ASH1L: variants seen among roughly 807,000 people sequenced by gnomAD.
ASH1L encodes the protein histone-lysine N-methyltransferase ASH1L.
ASH1L carries 23 observed loss-of-function variants against 269.0 expected under a neutral mutation model. The observed-to-expected ratio is 0.09, with a 90% CI of 0.06 to 0.12. The LOEUF (loss-of-function observed/expected upper bound fraction) is 0.12. Ranked by LOEUF, ASH1L falls within the 10% of genes least tolerant of loss-of-function variation. ASH1L has a pLI of 1.00. For synonymous variants in ASH1L, 1,187 were observed against 1,253.5 expected, an observed-to-expected ratio of 0.95 and a Z score of 1.12; for missense variants, 2,912 against 3,567.8, an observed-to-expected ratio of 0.82 and a Z score of 4.68.
rs895617572 is a variant in ASH1L at position 155,562,632 on chromosome 1, C to T, written c.-579G>A. On this transcript the variant is annotated 5_prime_UTR_variant, in exon 1 of 28. Transcript: ENST00000392403. ...CGCGTACGAGTGTCTACGGGCTCGT[C>T]GCTGGCTGCTCCCACCAACCACCAC... 4.6e-6 allele frequency: 7 copies of T among 1,526,166 alleles called. No individual in the cohort carries two copies. Among genetic ancestry groups the T allele is most frequent in the African/African-American group, 2.8e-5 (2 of 72,724 alleles). The allele number at this position is 1,526,166 out of a possible 1,614,324, so 94.5% of individuals were successfully genotyped here.
intron 13 of ASH1L, among the ~76,000 whole-genome samples, chr1:155,359,727 G>A (rs772688455): frequency 1.8e-4 from 27 of 151,882 alleles, no homozygotes; most frequent in Admixed American, 3.9e-4. Flanking sequence ...AGGCACATGC[G>A]ACCACACTTG....
Position 155,523,345 on chromosome 1 carries a change from T to G in ASH1L, c.-99-1727A>C, listed in dbSNP as rs965970190. Among the ~76,000 whole-genome samples the G allele has an allele frequency of 3.3e-5, 5 of 151,870 alleles. No individual in the cohort carries two copies. In the South Asian group the frequency reaches 1.0e-3, roughly 32 times the overall value. On this transcript the variant is annotated intron_variant, in intron 1 of 27. Coordinates refer to ENST00000392403, the MANE Select transcript of ASH1L (RefSeq NM_018489.3). ...TCCTGTCTCTAAAAAAGTACAAAAA[T>G]TAGCAGGGTGTGATGGCACACACCT...
At chr1:155,411,863 A>G (rs1659838841) in intron 6 of ASH1L, among the ~76,000 whole-genome samples, 1 of 151,540 alleles carries the variant, frequency 6.6e-6, no homozygotes. Context: ...AAGTCTAGAC[A>G]GGACATGCTG....
Position 155,519,461 on chromosome 1 carries a change from A to T in ASH1L, c.420+1639T>A, listed in dbSNP as rs999147962. Among the ~76,000 whole-genome samples the T allele has an allele frequency of 3.3e-5, 5 of 152,110 alleles. No individual in the cohort carries two copies. In the East Asian group the frequency reaches 5.8e-4, roughly 18 times the overall value. On this transcript the variant is annotated intron_variant, in intron 2 of 27. Transcript: ENST00000392403. ...CAAAAAATAAATAAATAAATAAATA[A>T]AAATAAAGTGGTATATCCACACAAT...
At chr1:155,469,109 C>T (rs948966131) in intron 3 of ASH1L, among the ~76,000 whole-genome samples, 3 of 152,130 alleles carry the variant, frequency 2.0e-5, no homozygotes, top group South Asian at 2.1e-4. Context: ...ACAAACTAAC[C>T]GCCAAAGCCA....
chr1:155,372,650 A>G (rs1238813590), intron 10 of ASH1L, among the ~76,000 whole-genome samples: 1 of 149,254 alleles, frequency 6.7e-6, no homozygotes, highest in Admixed American at 6.7e-5. Context: ...TCCCTCTGTC[A>G]CCCAGACTGG....
In ASH1L at chr1:155,335,716, CAG is replaced by C. The variant is rs1285243959; in HGVS notation, c.*1942_*1943del. The stretch of plus-strand genomic sequence containing the variant: ...TTTCAACAAAAGAAAGATAAAATGA[CAG>C]AGCGTAGTGTCTTTTGCTTCTGTTC... On this transcript the variant is annotated 3_prime_UTR_variant, in exon 28 of 28. Transcript: ENST00000392403. The C allele has an allele frequency of 1.3e-5, 2 of 152,624 alleles. No homozygotes were observed. The highest frequency in any genetic ancestry group is 2.9e-5 in the Non-Finnish European group (2 of 68,018). 9.5% of individuals were successfully genotyped at this position (152,624 alleles called of 1,614,324 possible). A position where few individuals can be genotyped will look rare whatever the true frequency, so the allele number is the denominator to read the frequency against.
intron 3 of ASH1L, among the ~76,000 whole-genome samples, chr1:155,472,089 G>A (rs1665145454): frequency 6.6e-6 from 1 of 152,106 alleles, no homozygotes; most frequent in East Asian, 1.9e-4. Context: ...TCAGGAGTTT[G>A]AAACTAGCCT....
At chr1:155,424,510 C>T (rs1483152593) in intron 5 of ASH1L, among the ~76,000 whole-genome samples, 2 of 151,406 alleles carry the variant, frequency 1.3e-5, no homozygotes, top group East Asian at 2.0e-4. Context: ...TGGATTCAAG[C>T]GATTCTCCTG....
intron 12 of ASH1L, among the ~76,000 whole-genome samples, chr1:155,363,609 T>C (rs996209052): frequency 2.6e-5 from 4 of 152,116 alleles, no homozygotes; most frequent in Admixed American, 2.6e-4. Flanking sequence ...GCTCCCATCT[T>C]TGTGAATAGT....
At chr1:155,534,121 G>A (rs1450918403) in intron 1 of ASH1L, among the ~76,000 whole-genome samples, 1 of 149,992 alleles carries the variant, frequency 6.7e-6, no homozygotes, top group African/African-American at 2.5e-5. Context: ...GCTATAGTGA[G>A]CCATGGTGGT....
chr1:155,463,264 A>G (rs1558132143), intron 3 of ASH1L, among the ~76,000 whole-genome samples: 1 of 152,184 alleles, frequency 6.6e-6, no homozygotes, highest in African/African-American at 2.4e-5. Context: ...TGTTCAGTAC[A>G]TGGACTATGG....
rs75303606 is a variant in ASH1L, at chr1:155,370,202, T to C, written c.6686+302A>G. ...TACAGGTGTGTACCACCACCCTGGC[T>C]ATCATCATCATCATTATTATATTTT... On this transcript the variant is annotated intron_variant, in intron 12 of 27. Transcript: ENST00000392403. 4.8e-5 allele frequency: 18 copies of C among 374,398 alleles called. No individual in the cohort carries two copies. In the South Asian group the frequency reaches 5.0e-4, roughly 10 times the overall value. 23.2% of individuals were successfully genotyped at this position (374,398 alleles called of 1,614,324 possible).
At chr1:155,523,669 C>G (rs145909643) in intron 1 of ASH1L, among the ~76,000 whole-genome samples, 4 of 152,236 alleles carry the variant, frequency 2.6e-5, no homozygotes, top group Non-Finnish European at 5.9e-5. Context: ...GTCACCAGTT[C>G]GAGTCTAGCC....
At chr1:155,470,550 AC>A (rs1057229309) in intron 3 of ASH1L, among the ~76,000 whole-genome samples, 4 of 93,362 alleles carry the variant, frequency 4.3e-5, no homozygotes, top group Non-Finnish European at 6.3e-5. Context: ...AGCAGAAATT[AC>A]CTTTTTTTTT....
intron 1 of ASH1L, among the ~76,000 whole-genome samples, chr1:155,552,323 G>A (rs912760764): frequency 3.3e-5 from 5 of 152,070 alleles, no homozygotes; most frequent in Non-Finnish European, 5.9e-5. Context: ...AAAATTAGCC[G>A]AGCGTGGTGG....
intron 10 of ASH1L, among the ~76,000 whole-genome samples, chr1:155,372,007 CTTAT>C (rs149656853): frequency 0.01 from 1,563 of 151,050 alleles, 30 homozygotes; most frequent in African/African-American, 0.036. Context: ...CTAATTTACT[CTTAT>C]TTATTTTTTT....
At position 155,529,982 on chromosome 1, in the gene ASH1L, TA is replaced by T. The variant is rs367637298; in HGVS notation, c.-99-8365del. Among the ~76,000 whole-genome samples the T allele has an allele frequency of 6.1e-3, 892 of 146,524 alleles. 8 individuals are homozygous for T. The highest frequency in any genetic ancestry group is 0.021 in the African/African-American group (825 of 39,876). ...CTGTCTCAAAAAAAAATAAAAAAAATAAAAAAAAAAGAAGTTTCCCTTCTGT... is the reference window on the plus strand; with the variant it reads ...CTGTCTCAAAAAAAAATAAAAAAAATAAAAAAAAAGAAGTTTCCCTTCTGT... On this transcript the variant is annotated intron_variant, in intron 1 of 27. Transcript: ENST00000392403.
chr1:155,405,824 TG>T (rs1659233855), intron 6 of ASH1L, among the ~76,000 whole-genome samples: 1 of 143,060 alleles, frequency 7.0e-6, no homozygotes, highest in Non-Finnish European at 1.5e-5. Context: ...AGCGATTCTC[TG>T]TGTCAAAAAA....
Sources: allele counts gnomAD v4.1 joint callset (sites outside exome capture counted in the v4.1 genomes callset), GRCh38; gene constraint gnomAD v4.1.1; transcripts MANE v1.5; gene names NCBI Gene and HGNC (gene_info 2026-07-23, HGNC 2026-07-21).